Variants in CADM1 observed in about 807,000 individuals in gnomAD.
CADM1 encodes the protein cell adhesion molecule 1.
In CADM1, 15 loss-of-function variants were observed where a neutral mutation model predicts 53.1. The ratio of observed to expected loss-of-function variants is 0.28; its 90% CI spans 0.19 to 0.44. The LOEUF is 0.44. CADM1 is among the 20% of genes least tolerant of loss of function. The pLI is 1.00. For synonymous variants in CADM1, 281 were observed against 243.0 expected (o/e 1.16, Z -1.45); for missense variants, 434 against 611.3 (o/e 0.71, Z 3.06).
rs1938932516 is a variant in CADM1 at position 115,174,562 on chromosome 11, T to C, written c.*1912A>G. 3 of 985,404 alleles carry C rather than the reference T, an allele frequency of 3.0e-6. No homozygotes were observed. The highest frequency in any genetic ancestry group is 4.7e-5 in the South Asian group (1 of 21,276). The allele number at this position is 985,404 out of a possible 1,614,324, so 61.0% of individuals were successfully genotyped here. ...AGTCCGTTCCCAAAAGGCCCCCATATTGCAATGGTTCTATCAAAGGTTAAA... is the reference window on the plus strand; with the variant it reads ...AGTCCGTTCCCAAAAGGCCCCCATACTGCAATGGTTCTATCAAAGGTTAAA... On this transcript the variant is annotated 3_prime_UTR_variant, in exon 12 of 12. Coordinates refer to ENST00000331581, the MANE Select transcript of CADM1 (RefSeq NM_001301043.2).
At chr11:115,269,060 C>T (rs1409136572) in intron 1 of CADM1, among the ~76,000 whole-genome samples, 1 of 152,064 alleles carries the variant, frequency 6.6e-6, no homozygotes, top group East Asian at 1.9e-4. Context: ...CTCTCCTCGG[C>T]CATAGCTTCT....
chr11:115,434,120 G>A (rs1249112021), intron 1 of CADM1, among the ~76,000 whole-genome samples: 2 of 152,192 alleles, frequency 1.3e-5, no homozygotes, highest in African/African-American at 2.4e-5. Flanking sequence ...GAGCTCAGTA[G>A]TAAGGACTTT....
chr11:115,282,118 TGAATAAG>T (rs1358129067), intron 1 of CADM1, among the ~76,000 whole-genome samples: 4 of 152,232 alleles, frequency 2.6e-5, no homozygotes, highest in Non-Finnish European at 5.9e-5. Flanking sequence ...GAAGAATTAC[TGAATAAG>T]TAATGCTGAT....
rs527648273 is a variant in CADM1, at chr11:115,196,970, G to C, written c.1111+1436C>G. Among the ~76,000 whole-genome samples, 6 of 152,286 alleles carry C rather than the reference G, an allele frequency of 3.9e-5. No individual in the cohort carries two copies. The East Asian group carries it at 1.2e-3, about 29-fold the overall frequency. On this transcript the variant is annotated intron_variant, in intron 9 of 11. Coordinates refer to ENST00000331581, the MANE Select transcript of CADM1 (RefSeq NM_001301043.2). The stretch of plus-strand genomic sequence containing the variant: ...CTATGGGGCATTACCTTAGAAAGTG[G>C]AAGTTTTATACCTAATTGATTTCTC...
intron 1 of CADM1, among the ~76,000 whole-genome samples, chr11:115,283,740 G>C (rs1222060557): frequency 1.3e-5 from 2 of 152,230 alleles, no homozygotes; most frequent in Non-Finnish European, 2.9e-5. Context: ...TCAGGGCAAA[G>C]TGGGATCGGT....
At chr11:115,180,726 C>T (rs1235422797) in intron 10 of CADM1, among the ~76,000 whole-genome samples, 3 of 151,908 alleles carry the variant, frequency 2.0e-5, no homozygotes, top group Non-Finnish European at 4.4e-5. Flanking sequence ...GAGGAGAGCG[C>T]TTGACACACT....
At chr11:115,253,757 C>CA (rs1942684451) in intron 1 of CADM1, among the ~76,000 whole-genome samples, 1 of 152,210 alleles carries the variant, frequency 6.6e-6, no homozygotes, top group Non-Finnish European at 1.5e-5. Context: ...TCAAAGCCAT[C>CA]AGCTTTCTCC....
At chr11:115,219,438 T>C (rs542420627) in intron 5 of CADM1, among the ~76,000 whole-genome samples, 8 of 152,286 alleles carry the variant, frequency 5.3e-5, no homozygotes, top group African/African-American at 1.9e-4. Flanking sequence ...CACCCACCAG[T>C]GTGCACTGCA....
chr11:115,190,097 A>G (rs1939773254), intron 10 of CADM1, among the ~76,000 whole-genome samples: 1 of 152,220 alleles, frequency 6.6e-6, no homozygotes, highest in South Asian at 2.1e-4. Flanking sequence ...TAATTTCTCC[A>G]CTGCAATAAC....
intron 1 of CADM1, among the ~76,000 whole-genome samples, chr11:115,332,026 G>A (rs768515767): frequency 3.5e-4 from 54 of 152,192 alleles, no homozygotes; most frequent in African/African-American, 1.1e-3. Context: ...GTGCCTGAGC[G>A]TAACAGTCGG....
At chr11:115,471,274 A>C (rs1949005312) in intron 1 of CADM1, among the ~76,000 whole-genome samples, 1 of 152,246 alleles carries the variant, frequency 6.6e-6, no homozygotes, top group Non-Finnish European at 1.5e-5. Flanking sequence ...TACAGCAGTC[A>C]ACCAAAGTCC....
chr11:115,393,828 G>A (rs1413779047), intron 1 of CADM1, among the ~76,000 whole-genome samples: 1 of 151,914 alleles, frequency 6.6e-6, no homozygotes, highest in Non-Finnish European at 1.5e-5. Context: ...TCCTTACCAT[G>A]AATATAAACT....
intron 1 of CADM1, among the ~76,000 whole-genome samples, chr11:115,502,836 A>C (rs775545147): frequency 6.6e-6 from 1 of 152,126 alleles, no homozygotes; most frequent in Non-Finnish European, 1.5e-5. Context: ...TCTAGCGTGT[A>C]AACAAAAGGC....
chr11:115,267,716 G>A (rs543167980), intron 1 of CADM1, among the ~76,000 whole-genome samples: 126 of 131,854 alleles, frequency 9.6e-4, no homozygotes, highest in African/African-American at 3.2e-3. Context: ...TGCTTTCTTC[G>A]GCAAAAGTCT....
chr11:115,480,058 A>C lies in CADM1; in HGVS notation c.124+24213T>G, dbSNP rs547628840. Among the ~76,000 whole-genome samples, 73 of 152,344 alleles carry C rather than the reference A, an allele frequency of 4.8e-4. 1 individual carries two copies. Among genetic ancestry groups the C allele is most frequent in the African/African-American group, 1.6e-3 (65 of 41,576 alleles). On this transcript the variant is annotated intron_variant, in intron 1 of 11. Transcript: ENST00000331581. ...TCTTTAAAATTATAAAGTTTGTAAG[A>C]ACAGAAATTCCAAACATTTCAGCAT...
chr11:115,292,390 GA>G (rs2135112563), intron 1 of CADM1, among the ~76,000 whole-genome samples: 1 of 152,274 alleles, frequency 6.6e-6, no homozygotes, highest in South Asian at 2.1e-4. Flanking sequence ...TATGCAAGGA[GA>G]AATGATTTCA....
intron 9 of CADM1, among the ~76,000 whole-genome samples, chr11:115,194,426 G>C (rs972600802): frequency 3.9e-5 from 6 of 152,192 alleles, no homozygotes; most frequent in African/African-American, 1.4e-4. Flanking sequence ...TGCTCGTAGG[G>C]TACGAGCATG....
chr11:115,238,103 A>T (rs1271431099), intron 3 of CADM1, among the ~76,000 whole-genome samples: 1 of 152,204 alleles, frequency 6.6e-6, no homozygotes, highest in East Asian at 1.9e-4. Context: ...AGGAAAAATC[A>T]TTACGTGGAT....
intron 1 of CADM1, among the ~76,000 whole-genome samples, chr11:115,343,272 A>G (rs1350285772): frequency 1.3e-5 from 2 of 152,192 alleles, no homozygotes; most frequent in African/African-American, 2.4e-5. Context: ...TCTCAAGGCT[A>G]TGATCTTACA....
Sources: gnomAD v4.1 joint callset for allele counts (sites outside exome capture counted in the v4.1 genomes callset) on GRCh38, gnomAD v4.1.1 for gene constraint, MANE v1.5 for transcripts, NCBI Gene and HGNC (gene_info 2026-07-23, HGNC 2026-07-21) for gene names.